NDUFAF7: variants seen among roughly 807,000 people sequenced by gnomAD.
NDUFAF7 encodes protein arginine methyltransferase NDUFAF7, mitochondrial.
In NDUFAF7, 48 loss-of-function variants were observed where a neutral mutation model predicts 47.2. That is an observed-to-expected ratio of 1.02 (90% confidence interval 0.81 to 1.29). The LOEUF is 1.29. Among genes scored for constraint, NDUFAF7 ranks in the 50% most tolerant of loss-of-function variants. The pLI is 0.00. For missense variants in NDUFAF7, 635 were observed against 537.6 expected, an observed-to-expected ratio of 1.18 and a Z score of -1.79; for synonymous variants, 217 against 190.0, an observed-to-expected ratio of 1.14 and a Z score of -1.17.
chr2:37,258,331 C>T (rs1228653297), downstream of NDUFAF7, among the ~76,000 whole-genome samples: 5 of 152,080 alleles, frequency 3.3e-5, no homozygotes, highest in Non-Finnish European at 4.4e-5. Flanking sequence ...TTGAAGAGTA[C>T]GAATACTGAG....
At chr2:37,265,755 A>G in the NDUFAF7 span, among the ~76,000 whole-genome samples, 9 of 152,216 alleles carry the variant, frequency 5.9e-5, no homozygotes, top group Non-Finnish European at 1.3e-4. Context: ...AATAGCATAG[A>G]GACATCCTAC....
At chr2:37,242,591 C>G (rs1042736664) in intron 5 of NDUFAF7, 44 bp from the exon 6 acceptor site, 2 of 1,448,502 alleles carry the variant, frequency 1.4e-6, no homozygotes, top group African/African-American at 2.8e-5. Context: ...GAATTAATTC[C>G]TGTGAAATGT....
At chr2:37,263,487 C>G in the NDUFAF7 span, among the ~76,000 whole-genome samples, 1 of 152,168 alleles carries the variant, frequency 6.6e-6, no homozygotes, top group Non-Finnish European at 1.5e-5. Flanking sequence ...TTTTTGTCTA[C>G]TCCATTTCTC....
intron 2 of NDUFAF7, among the ~76,000 whole-genome samples, chr2:37,232,972 G>C (rs1271107122): frequency 6.6e-6 from 1 of 152,346 alleles, no homozygotes; most frequent in East Asian, 1.9e-4. Flanking sequence ...GGATATGGTA[G>C]TGTGACTCTA....
the NDUFAF7 span, among the ~76,000 whole-genome samples, chr2:37,263,047 T>G: frequency 5.3e-5 from 8 of 152,242 alleles, no homozygotes; most frequent in South Asian, 1.7e-3. Flanking sequence ...TTTATTAATT[T>G]TCATTTTTGA....
At chr2:37,235,975 G>T in intron 2 of NDUFAF7, 121 bp from the exon 3 acceptor site, 1 of 878,232 alleles carries the variant, frequency 1.1e-6, no homozygotes, top group Non-Finnish European at 1.9e-6. Flanking sequence ...CTTATTTAGA[G>T]GAGAGAACTT....
the NDUFAF7 span, among the ~76,000 whole-genome samples, chr2:37,263,573 G>A: frequency 3.9e-5 from 6 of 152,154 alleles, no homozygotes; most frequent in Admixed American, 3.3e-4. Flanking sequence ...GTTATTTGGT[G>A]TAGTATGATT....
chr2:37,247,370 T>C, intron 8 of NDUFAF7, 86 bp from the exon 9 acceptor site: 2 of 1,466,132 alleles, frequency 1.4e-6, no homozygotes, highest in Non-Finnish European at 9.5e-7. Context: ...AGCATTAATG[T>C]AAATATTAAA....
chr2:37,250,161 G>A (rs118101727), downstream of NDUFAF7, among the ~76,000 whole-genome samples: 1,298 of 152,122 alleles, frequency 8.5e-3, 4 homozygotes, highest in Middle Eastern at 0.014. Flanking sequence ...AGTAAAGGAA[G>A]ACGGAGGCCT....
chr2:37,231,859 G>T, intron 1 of NDUFAF7, 99 bp downstream of exon 1: 1 of 1,587,566 alleles, frequency 6.3e-7, no homozygotes. Flanking sequence ...AAGGGCTCGG[G>T]GGCTCACTTC....
chr2:37,254,571 T>C (rs138255475), downstream of NDUFAF7, among the ~76,000 whole-genome samples: 1,630 of 152,238 alleles, frequency 0.011, 15 homozygotes, highest in Middle Eastern at 0.017. Context: ...TTCTGCCACC[T>C]ACTAGCTGTG....
intron 4 of NDUFAF7, among the ~76,000 whole-genome samples, chr2:37,238,107 A>G (rs951600205): frequency 1.3e-5 from 2 of 152,098 alleles, no homozygotes; most frequent in African/African-American, 4.8e-5. Flanking sequence ...ATTATGGGAG[A>G]GTGTATTTGT....
intron 2 of NDUFAF7, among the ~76,000 whole-genome samples, chr2:37,235,173 G>A (rs1018890844): frequency 2.6e-5 from 4 of 151,936 alleles, no homozygotes; most frequent in Non-Finnish European, 5.9e-5. Flanking sequence ...TTCGGAGGTT[G>A]AGTATAAGAC....
the NDUFAF7 span, chr2:37,259,595 C>A: frequency 6.2e-7 from 1 of 1,610,396 alleles, no homozygotes; most frequent in Non-Finnish European, 8.5e-7. Context: ...GAGGAAATGG[C>A]TCTGCTGATG....
chr2:37,253,455 A>G, downstream of NDUFAF7: 1 of 901,042 alleles, frequency 1.1e-6, no homozygotes, highest in South Asian at 1.9e-5. Flanking sequence ...CCCTAGTCAA[A>G]TAATTGACAG....
intron 7 of NDUFAF7, among the ~76,000 whole-genome samples, chr2:37,244,610 A>G (rs796363264): frequency 1.3e-5 from 2 of 152,098 alleles, no homozygotes; most frequent in South Asian, 2.1e-4. Flanking sequence ...TCCAGGCTTC[A>G]GACTGCCTCT....
At chr2:37,232,990 G>A (rs555244284) in intron 2 of NDUFAF7, among the ~76,000 whole-genome samples, 5 of 152,186 alleles carry the variant, frequency 3.3e-5, no homozygotes, top group Non-Finnish European at 7.3e-5. Context: ...CTAGTGTCGA[G>A]GTTTACCCAA....
In NDUFAF7 at chr2:37,248,442, G is replaced by T. The variant is rs1229195435; in HGVS notation, c.*92G>T. The T allele has an allele frequency of 6.5e-6, 8 of 1,226,514 alleles. No homozygotes were observed. Among genetic ancestry groups the T allele is most frequent in the Non-Finnish European group, 7.2e-6 (6 of 832,792 alleles). 76.0% of individuals were successfully genotyped at this position (1,226,514 alleles called of 1,614,324 possible). A position where few individuals can be genotyped will look rare whatever the true frequency, so the allele number is the denominator to read the frequency against. ...TATACTGCAGGTAACAAAAGTCAAAGTATTTTATCTTTTCACAGCAAGAAC... is the reference window on the plus strand; with the variant it reads ...TATACTGCAGGTAACAAAAGTCAAATTATTTTATCTTTTCACAGCAAGAAC... On this transcript the variant is annotated 3_prime_UTR_variant, in exon 10 of 10. Transcript: ENST00000002125.
the NDUFAF7 span, among the ~76,000 whole-genome samples, chr2:37,258,445 T>G: frequency 6.6e-6 from 1 of 152,306 alleles, no homozygotes; most frequent in African/African-American, 2.4e-5. Context: ...ATTAAAGAAG[T>G]GGAGCCATGG....
Sources: allele counts gnomAD v4.1 joint callset (sites outside exome capture counted in the v4.1 genomes callset), GRCh38; gene constraint gnomAD v4.1.1; transcripts MANE v1.5; gene names NCBI Gene and HGNC (gene_info 2026-07-23, HGNC 2026-07-21).